MAP3K19: variants seen among roughly 807,000 people sequenced by gnomAD.
MAP3K19 encodes mitogen-activated protein kinase kinase kinase 19.
A neutral mutation model predicts 114.4 loss-of-function variants in MAP3K19; 91 were observed. The observed-to-expected ratio is 0.80, with a 90% confidence interval of 0.67 to 0.95. The LOEUF (loss-of-function observed/expected upper bound fraction) is 0.95. Among genes scored for constraint, MAP3K19 ranks in the 40% least tolerant of loss-of-function variants. MAP3K19 has a pLI of 0.00. For synonymous variants in MAP3K19, 518 were observed against 530.5 expected, an observed-to-expected ratio of 0.98 and a Z score of 0.32; for missense variants, 1,471 against 1,573.2, an observed-to-expected ratio of 0.94 and a Z score of 1.10.
chr2:135,014,666 T>A (rs1687466365), intron 5 of MAP3K19, among the ~76,000 whole-genome samples: 4 of 152,234 alleles, frequency 2.6e-5, no homozygotes, highest in Admixed American at 1.3e-4. Context: ...AGGACCCAGA[T>A]CAAATAAAAG....
At chr2:134,990,923 G>A (rs1227336170) in intron 9 of MAP3K19, among the ~76,000 whole-genome samples, 2 of 152,112 alleles carry the variant, frequency 1.3e-5, no homozygotes, top group Admixed American at 6.5e-5. Flanking sequence ...AGCCATGTGC[G>A]GTGGCTAACA....
intron 4 of MAP3K19, 152 bp downstream of exon 4, chr2:135,024,474 C>A (rs1001005888): frequency 1.4e-6 from 1 of 726,668 alleles, no homozygotes; most frequent in Non-Finnish European, 2.4e-6. Flanking sequence ...CCCAGAGCAC[C>A]TAGTCGTGGG....
intron 6 of MAP3K19, among the ~76,000 whole-genome samples, chr2:135,000,753 G>A (rs1040345516): frequency 2.0e-5 from 3 of 152,286 alleles, no homozygotes; most frequent in Admixed American, 1.3e-4. Flanking sequence ...GCAGAGAGGC[G>A]TGTCCTTCCG....
chr2:135,034,758 A>G (rs1017035508), intron 2 of MAP3K19, among the ~76,000 whole-genome samples: 2 of 142,118 alleles, frequency 1.4e-5, no homozygotes, highest in Middle Eastern at 3.3e-3. Context: ...AGTACAGTCC[A>G]GCTTCGGCTG....
chr2:135,024,447 T>A (rs1472176704), intron 4 of MAP3K19, among the ~76,000 whole-genome samples, 179 bp downstream of exon 4: 1 of 152,240 alleles, frequency 6.6e-6, no homozygotes, highest in East Asian at 1.9e-4. Flanking sequence ...AACCTTGCGT[T>A]AGACTTCTTT....
At chr2:135,020,227 C>T (rs1687876748) in intron 5 of MAP3K19, among the ~76,000 whole-genome samples, 1 of 152,152 alleles carries the variant, frequency 6.6e-6, no homozygotes, top group Non-Finnish European at 1.5e-5. Context: ...CCGTGTTGGC[C>T]AGGTTGGTCT....
intron 3 of MAP3K19, among the ~76,000 whole-genome samples, chr2:135,027,520 A>G (rs1338002915): frequency 2.6e-5 from 4 of 152,170 alleles, no homozygotes; most frequent in African/African-American, 9.7e-5. Context: ...TGGGCTGACT[A>G]ACTGCTCATA....
intron 5 of MAP3K19, among the ~76,000 whole-genome samples, chr2:135,016,895 C>T (rs1687615915): frequency 6.6e-6 from 1 of 152,160 alleles, no homozygotes; most frequent in Non-Finnish European, 1.5e-5. Flanking sequence ...AGGTAATGTA[C>T]TTAGTCACTG....
intron 12 of MAP3K19, among the ~76,000 whole-genome samples, chr2:134,969,714 G>A (rs1471132467): frequency 2.0e-5 from 3 of 152,124 alleles, no homozygotes; most frequent in Non-Finnish European, 4.4e-5. Context: ...CCAATAACCT[G>A]GAGTGTTTCC....
chr2:134,983,556 T>C (rs1684859008), intron 11 of MAP3K19, 120 bp downstream of exon 11: 11 of 698,910 alleles, frequency 1.6e-5, no homozygotes, highest in Non-Finnish European at 2.4e-5. Context: ...CTGAAAGAGT[T>C]CTAAGTAAAA....
chr2:135,010,949 G>C (rs1687176615), intron 5 of MAP3K19, among the ~76,000 whole-genome samples: 1 of 152,092 alleles, frequency 6.6e-6, no homozygotes, highest in South Asian at 2.1e-4. Context: ...AATTTTGAAA[G>C]AAGATTCTCC....
intron 2 of MAP3K19, among the ~76,000 whole-genome samples, chr2:135,039,353 C>A (rs546026004): frequency 6.6e-6 from 1 of 150,964 alleles, no homozygotes; most frequent in East Asian, 1.9e-4. Flanking sequence ...GAGGCTGAGG[C>A]GTGTGGATCT....
intron 10 of MAP3K19, 76 bp downstream of exon 10, chr2:134,985,723 GA>G (rs1685044280): frequency 2.4e-6 from 3 of 1,248,072 alleles, no homozygotes; most frequent in African/African-American, 1.5e-5. Context: ...TTCCTCATTT[GA>G]AAATAAGGGG....
intron 9 of MAP3K19, 141 bp from the exon 10 acceptor site, chr2:134,988,394 CT>C (rs1002807182): frequency 3.0e-5 from 22 of 724,828 alleles, no homozygotes; most frequent in Admixed American, 1.4e-4. Context: ...AATCACAATT[CT>C]TTTTTTTCTT....
At chr2:134,991,364 T>C in intron 9 of MAP3K19, 173 bp downstream of exon 9, 1 of 641,928 alleles carries the variant, frequency 1.6e-6, no homozygotes, top group East Asian at 2.7e-5. Context: ...GTAGCTAAGT[T>C]TTGGGGGAAT....
intron 6 of MAP3K19, among the ~76,000 whole-genome samples, chr2:135,002,910 T>G (rs1158293949): frequency 6.6e-6 from 1 of 152,148 alleles, no homozygotes; most frequent in African/African-American, 2.4e-5. Context: ...ATGTTCTGAA[T>G]GTTTGTGTCC....
Position 134,987,046 on chromosome 2 carries a change from G to A in MAP3K19, c.1826C>T (p.Pro609Leu), listed in dbSNP as rs1176834004. Reference sequence around the variant, plus strand: ...GATGCAAGGAAATGATTGCTTTTTAGGTTTCTGAGTCCGGTGAGTTGATTG... The same window carrying A: ...GATGCAAGGAAATGATTGCTTTTTAAGTTTCTGAGTCCGGTGAGTTGATTG... ...KKQSTHRTQKPKKQSFPCICK... is the reference protein window; with the variant it reads ...KKQSTHRTQKLKKQSFPCICK... Residue 609 changes from proline to leucine, a missense_variant, in exon 10 of 13, where the codon CCT (proline) becomes CTT (leucine). Pro to Leu is a moderately conservative substitution (Grantham distance 98, BLOSUM62 -3). Transcript: ENST00000392915. The A allele has an allele frequency of 3.7e-6, 6 of 1,612,898 alleles. No individual in the cohort carries two copies. Among genetic ancestry groups the A allele is most frequent in the Non-Finnish European group, 5.1e-6 (6 of 1,180,028 alleles).
At chr2:134,982,113 CTTTTTT>C (rs35219224) in intron 11 of MAP3K19, among the ~76,000 whole-genome samples, 1 of 76,352 alleles carries the variant, frequency 1.3e-5, no homozygotes, top group Non-Finnish European at 2.5e-5. Flanking sequence ...CTTTTTCTTT[CTTTTTT>C]TTTTTTTTTT....
intron 4 of MAP3K19, among the ~76,000 whole-genome samples, chr2:135,024,380 G>C (rs979574930): frequency 6.6e-6 from 1 of 152,074 alleles, no homozygotes; most frequent in Non-Finnish European, 1.5e-5. Context: ...TTTACAGCAA[G>C]CTCTCTCTGA....
Sources: gnomAD v4.1 joint callset for allele counts (sites outside exome capture counted in the v4.1 genomes callset) on GRCh38, gnomAD v4.1.1 for gene constraint, MANE v1.5 for transcripts, NCBI Gene and HGNC (gene_info 2026-07-23, HGNC 2026-07-21) for gene names.